Variants in TLR5 observed in about 807,000 individuals in gnomAD.
The protein encoded by TLR5 is toll-like receptor 5.
For missense variants in TLR5, 944 were observed against 999.8 expected (o/e 0.94, Z 0.75); for synonymous variants, 373 against 384.4 (o/e 0.97, Z 0.35).
Position 223,111,974 on chromosome 1 carries a change from C to G in TLR5, c.1058G>C (p.Ser353Thr), listed in dbSNP as rs1656368375. 1 of 1,614,202 alleles carries G rather than the reference C, an allele frequency of 6.2e-7. No homozygotes were observed. The highest frequency in any genetic ancestry group is 2.2e-5 in the East Asian group (1 of 44,890). The change falls in exon 6 of 6, where the codon AGT becomes ACT. Residue 353 changes from serine to threonine, a missense_variant. Coordinates refer to ENST00000642603, the MANE Select transcript of TLR5 (RefSeq NM_003268.6). ...CTTAGGTAGTCCATAGAAATTCGAACTGTAAAGTTCCCCCAGAAGGTTATA... is the reference window on the plus strand; with the variant it reads ...CTTAGGTAGTCCATAGAAATTCGAAGTGTAAAGTTCCCCCAGAAGGTTATA... Reference protein sequence around the residue: ...LSYNLLGELYSSNFYGLPKVA... With the variant: ...LSYNLLGELYTSNFYGLPKVA...
In TLR5 at chr1:223,112,974, C is replaced by T; in HGVS notation, c.58G>A (p.Gly20Arg). The T allele has an allele frequency of 6.2e-7, 1 of 1,614,114 alleles. No individual in the cohort carries two copies. The highest frequency in any genetic ancestry group is 8.5e-7 in the Non-Finnish European group (1 of 1,180,024). ...CCATCAAAGGAGCAGGAAGGAATTC[C>T]AAACACAGGACCGGCCATGAGCACC... Reference protein sequence around the residue: ...GVVLMAGPVFGIPSCSFDGRI... With the variant: ...GVVLMAGPVFRIPSCSFDGRI... Residue 20 changes from glycine to arginine, a missense_variant, in exon 6 of 6, where the codon GGA (glycine) becomes AGA (arginine). Physicochemically the swap from Gly to Arg is moderately radical, Grantham distance 125 (BLOSUM62 -2). Transcript: ENST00000642603.
intron 5 of TLR5, among the ~76,000 whole-genome samples, chr1:223,115,924 G>C (rs760169775): frequency 6.6e-6 from 1 of 152,166 alleles, no homozygotes; most frequent in Non-Finnish European, 1.5e-5. Context: ...CACATGGTAC[G>C]CATTCCAAAC....
At position 223,112,549 on chromosome 1, in the gene TLR5, G is replaced by GTA. The variant is rs781606587; in HGVS notation, c.481_482dup (p.Leu162ThrfsTer9). ...TCAACTTCCCAAATGAAGGATGAAG[G>GTA]TAAAGGCTACGAATCTGATTTTTGG... is the stretch of plus-strand genomic sequence containing the variant. On this transcript the variant is annotated frameshift_variant, in exon 6 of 6. Transcript: ENST00000642603. LOFTEE classifies it low-confidence loss of function (END_TRUNC). 3 of 1,614,252 alleles carry GTA rather than the reference G, an allele frequency of 1.9e-6. No individual in the cohort carries two copies. The South Asian group carries it at 3.3e-5, about 18-fold the overall frequency.
In TLR5 at chr1:223,110,642, T is replaced by C. The variant is rs1656269278; in HGVS notation, c.2390A>G (p.Gln797Arg). The stretch of plus-strand genomic sequence containing the variant: ...GGATTGATGTTTCATCAACTGGTAC[T>C]GGGACAAGGACCCAACCACCACCAT... ...LIMVVVGSLS[Q>R]YQLMKHQSIR... The change falls in exon 6 of 6, where the codon CAG (glutamine) becomes CGG (arginine). Residue 797 changes from glutamine to arginine, a missense_variant. Coordinates refer to ENST00000642603, the MANE Select transcript of TLR5 (RefSeq NM_003268.6). The C allele has an allele frequency of 1.2e-6, 2 of 1,614,224 alleles. No homozygotes were observed. The highest frequency in any genetic ancestry group is 1.7e-6 in the Non-Finnish European group (2 of 1,180,034).
At chr1:223,126,002 G>T (rs1657152278) in intron 5 of TLR5, among the ~76,000 whole-genome samples, 1 of 152,046 alleles carries the variant, frequency 6.6e-6, no homozygotes, top group Non-Finnish European at 1.5e-5. Flanking sequence ...TCCACTTCTG[G>T]GTGTACACCC....
chr1:223,138,155 G>A (rs1333322588), intron 2 of TLR5, among the ~76,000 whole-genome samples: 1 of 146,606 alleles, frequency 6.8e-6, no homozygotes, highest in Non-Finnish European at 1.5e-5. Context: ...GGGTGGAGGG[G>A]TCTCACTATG....
At chr1:223,137,949 A>ATTTTT (rs1558134511) in intron 2 of TLR5, among the ~76,000 whole-genome samples, 3 of 69,168 alleles carry the variant, frequency 4.3e-5, no homozygotes, top group Non-Finnish European at 5.2e-5. Flanking sequence ...TGGCTTTTTA[A>ATTTTT]ATTTTTTTTT....
At position 223,111,092 on chromosome 1, in the gene TLR5, G is replaced by A. The variant is rs1048322110; in HGVS notation, c.1940C>T (p.Thr647Ile). 3.7e-6 allele frequency: 6 copies of A among 1,614,210 alleles called. No homozygotes were observed. The highest frequency in any genetic ancestry group is 3.3e-5 in the Admixed American group (2 of 60,032). Residue 647 changes from threonine to isoleucine, a missense_variant, in exon 6 of 6, where the codon ACT becomes ATT. By Grantham distance (89) the Thr-to-Ile change is moderately conservative. Coordinates refer to ENST00000642603, the MANE Select transcript of TLR5 (RefSeq NM_003268.6). Reference sequence around the variant, plus strand: ...CATGAGGAACAGAGTCAGAGTGACAGTGCATACAATGAAAAGGGAGAACTT... The same window carrying A: ...CATGAGGAACAGAGTCAGAGTGACAATGCATACAATGAAAAGGGAGAACTT... ...SLKFSLFIVCTVTLTLFLMTI... is the reference protein window; with the variant it reads ...SLKFSLFIVCIVTLTLFLMTI...
Position 223,117,419 on chromosome 1 carries a change from C to T in TLR5, c.-4-4384G>A, listed in dbSNP as rs558737884. 1.2e-4 allele frequency among the ~76,000 whole-genome samples: 18 copies of T among 152,060 alleles called. No homozygotes were observed. In the East Asian group the frequency reaches 2.7e-3, roughly 23 times the overall value. ...GGTGGGCTGAAGGGCTCCTCAAGCA[C>T]GGCCAGAGTGGGCAGTGAGGCTGAG... is the stretch of plus-strand genomic sequence containing the variant. On this transcript the variant is annotated intron_variant, in intron 5 of 5. Transcript: ENST00000642603.
intron 5 of TLR5, among the ~76,000 whole-genome samples, chr1:223,121,300 A>T (rs557665753): frequency 2.0e-5 from 3 of 152,298 alleles, no homozygotes; most frequent in South Asian, 4.1e-4. Flanking sequence ...TTTCTATAAA[A>T]TTATGTATGT....
In TLR5 at chr1:223,112,595, G is replaced by A. The variant is rs749043937; in HGVS notation, c.437C>T (p.Ala146Val). 3 of 1,614,184 alleles carry A rather than the reference G, an allele frequency of 1.9e-6. No homozygotes were observed. Among genetic ancestry groups the A allele is most frequent in the Admixed American group, 1.7e-5 (1 of 60,030 alleles). ...TTTGGATAGATCCAAGCGAGTTAAA[G>A]CCTTTAAATTTCTGAAATAACCATC... ...LKDGYFRNLK[A>V]LTRLDLSKNQ... is the part of the protein sequence containing the mutation. The change falls in exon 6 of 6, where the codon GCT becomes GTT. Residue 146 changes from alanine to valine, a missense_variant. By Grantham distance (64) the Ala-to-Val change is moderately conservative (BLOSUM62 0). Transcript: ENST00000642603.
In TLR5 at chr1:223,110,821, T is replaced by C. The variant is rs1186844233; in HGVS notation, c.2211A>G (p.Gly737=). Residue 737 remains glycine, a synonymous_variant, in exon 6 of 6, where the codon GGA becomes GGG. Coordinates refer to ENST00000642603, the MANE Select transcript of TLR5 (RefSeq NM_003268.6). The stretch of plus-strand genomic sequence containing the variant: ...CCTGGATATTGGCAATGCGGTTTTC[T>C]CCTGGGACAAAGTCTCTTTCTTCAA... ...LCFEERDFVP[G]ENRIANIQDA... is the part of the protein sequence containing the mutation. 5 of 1,614,270 alleles carry C rather than the reference T, an allele frequency of 3.1e-6. No homozygotes were observed. The highest frequency in any genetic ancestry group is 1.1e-5 in the South Asian group (1 of 91,090).
Position 223,112,514 on chromosome 1 carries a change from T to C in TLR5, c.518A>G (p.Lys173Arg), listed in dbSNP as rs1344705387. ...HPSFGKLNSL[K>R]SIDFSSNQIF... is the part of the protein sequence containing the mutation. Reference sequence around the variant, plus strand: ...TTGGTTGGAGGAAAAATCTATGGACTTTAAGGAATTCAACTTCCCAAATGA... The same window carrying C: ...TTGGTTGGAGGAAAAATCTATGGACCTTAAGGAATTCAACTTCCCAAATGA... Residue 173 changes from lysine to arginine, a missense_variant, in exon 6 of 6, where the codon AAG (lysine) becomes AGG (arginine). Lys to Arg is a conservative substitution (Grantham distance 26). Transcript: ENST00000642603. 6.2e-7 allele frequency: 1 copy of C among 1,614,250 alleles called. No individual in the cohort carries two copies. The highest frequency in any genetic ancestry group is 8.5e-7 in the Non-Finnish European group (1 of 1,180,048).
chr1:223,119,986 AT>A (rs1380033898), intron 5 of TLR5, among the ~76,000 whole-genome samples: 1 of 76,190 alleles, frequency 1.3e-5, no homozygotes, highest in Non-Finnish European at 2.5e-5. Flanking sequence ...AATAAATAAA[AT>A]AAAATAAAAT....
At chr1:223,118,554 G>A (rs67599071) in intron 5 of TLR5, among the ~76,000 whole-genome samples, 89,732 of 144,890 alleles carry the variant, frequency 0.62, 27,277 homozygotes, top group East Asian at 0.79. Context: ...CTCAAAAAAA[G>A]AAAAAAAGAG....
intron 2 of TLR5, among the ~76,000 whole-genome samples, chr1:223,138,623 AAT>A (rs1657713096): frequency 6.6e-6 from 1 of 152,190 alleles, no homozygotes. Flanking sequence ...CATCAGACTC[AAT>A]ATGTCTCAAA....
At position 223,137,950 on chromosome 1, in the gene TLR5, A is replaced by ATTTTTTTTTTTTTT. The variant is rs3044335; in HGVS notation, c.-438-701_-438-688dup. 1.5e-4 allele frequency among the ~76,000 whole-genome samples: 13 copies of ATTTTTTTTTTTTTT among 84,536 alleles called. 2 individuals carry two copies. Among genetic ancestry groups the ATTTTTTTTTTTTTT allele is most frequent in the East Asian group, 1.3e-3 (3 of 2,256 alleles). The allele number at this position is 84,536 out of a possible 152,430, so 55.5% of individuals were successfully genotyped here. ...AACCTCCTCAGGTCTGGCTTTTTAA[A>ATTTTTTTTTTTTTT]TTTTTTTTTTTTTTTTTTTTTTTTT... On this transcript the variant is annotated intron_variant, in intron 2 of 5. Transcript: ENST00000642603.
intron 2 of TLR5, among the ~76,000 whole-genome samples, chr1:223,139,048 C>A (rs1339592061): frequency 2.0e-5 from 3 of 152,242 alleles, no homozygotes; most frequent in African/African-American, 7.2e-5. Context: ...TTGCCTTCCA[C>A]AATGATTGTG....
At chr1:223,125,932 TA>T (rs1183620331) in intron 5 of TLR5, among the ~76,000 whole-genome samples, 1 of 152,006 alleles carries the variant, frequency 6.6e-6, no homozygotes, top group Non-Finnish European at 1.5e-5. Context: ...GTGGGCTGCT[TA>T]AAAACAGTAC....
Sources: gnomAD v4.1 joint callset for allele counts (sites outside exome capture counted in the v4.1 genomes callset) on GRCh38, gnomAD v4.1.1 for gene constraint, MANE v1.5 for transcripts, NCBI Gene and HGNC (gene_info 2026-07-23, HGNC 2026-07-21) for gene names.